Variants in DHRS1 observed in about 807,000 individuals in gnomAD.
The protein encoded by DHRS1 is dehydrogenase/reductase 1.
DHRS1 carries 34 observed loss-of-function variants against 35.2 expected under a neutral mutation model. The observed-to-expected ratio is 0.97, with a 90% CI of 0.74 to 1.29. The LOEUF is 1.29. Ranked by LOEUF, DHRS1 falls within the 50% of genes most tolerant of loss-of-function variation. The pLI is 0.00. For missense variants in DHRS1, 354 were observed against 403.6 expected (o/e 0.88, Z 1.05); for synonymous variants, 133 against 160.0 (o/e 0.83, Z 1.27).
At position 24,299,564 on chromosome 14, in the gene DHRS1, G is replaced by A. The variant is rs886588070; in HGVS notation, c.-25+17C>T. 1 of 234,768 alleles carries A rather than the reference G, an allele frequency of 4.3e-6. No individual in the cohort carries two copies. The highest frequency in any genetic ancestry group is 9.0e-5 in the East Asian group (1 of 11,094). 14.5% of individuals were successfully genotyped at this position (234,768 alleles called of 1,614,324 possible). ...GGAGATCCTAAGCCCTAAGTGGGAC[G>A]AGCGTGCGCCGCTTACCTGCCACCT... On this transcript the variant is annotated intron_variant, in intron 1 of 8. Coordinates refer to ENST00000288111, the MANE Select transcript of DHRS1 (RefSeq NM_001136050.3).
rs2041330628 is a variant in DHRS1 at position 24,299,749 on chromosome 14, G to GTT, written c.-195_-194dup. ...TAGAGGGGCAGAGTCCCAGGCCAAA[G>GTT]TTAGAACCTGCGGATGGGGGCGGAG... is the stretch of plus-strand genomic sequence containing the variant. On this transcript the variant is annotated 5_prime_UTR_variant, in exon 1 of 9. Coordinates refer to ENST00000288111, the MANE Select transcript of DHRS1 (RefSeq NM_001136050.3). The GTT allele has an allele frequency of 1.7e-6, 1 of 594,448 alleles. No homozygotes were observed. Among genetic ancestry groups the GTT allele is most frequent in the African/African-American group, 1.9e-5 (1 of 53,158 alleles). 36.8% of individuals were successfully genotyped at this position (594,448 alleles called of 1,614,324 possible). A position where few individuals can be genotyped will look rare whatever the true frequency, so the allele number is the denominator to read the frequency against.
chr14:24,290,654 AAAAG>A lies in DHRS1; in HGVS notation c.*201_*204del. On this transcript the variant is annotated 3_prime_UTR_variant, in exon 9 of 9. Transcript: ENST00000288111. ...AAGAGCATTTTTCAATACTAAGGCAAAAAGTAAAAAGAAGGACAAGGAAAACCAA... is the reference window on the plus strand; with the variant it reads ...AAGAGCATTTTTCAATACTAAGGCAATAAAAAGAAGGACAAGGAAAACCAA... 1 of 565,066 alleles carries A rather than the reference AAAAG, an allele frequency of 1.8e-6. No homozygotes were observed. The highest frequency in any genetic ancestry group is 2.5e-5 in the South Asian group (1 of 40,788). 35.0% of individuals were successfully genotyped at this position (565,066 alleles called of 1,614,324 possible).
rs556717191 is a variant in DHRS1 at position 24,296,406 on chromosome 14, G to A, written c.374+103C>T. 2.2e-4 allele frequency: 240 copies of A among 1,113,552 alleles called. 1 individual carries two copies. The African/African-American group carries it at 3.5e-3, about 16-fold the overall frequency. 69.0% of individuals were successfully genotyped at this position (1,113,552 alleles called of 1,614,324 possible). A position where few individuals can be genotyped will look rare whatever the true frequency, so the allele number is the denominator to read the frequency against. Reference sequence around the variant, plus strand: ...GGAATGGAAGGGAGAAGAAAGAGATGGGGGAGGCCGGAGGGAAAAGGAGAG... The same window carrying A: ...GGAATGGAAGGGAGAAGAAAGAGATAGGGGAGGCCGGAGGGAAAAGGAGAG... On this transcript the variant is annotated intron_variant, in intron 4 of 8. Transcript: ENST00000288111.
rs186113645 is a variant in DHRS1, at chr14:24,297,035, T to G, written c.151-154A>C. ...CATGGCAGGCAACGCTGCCCTCTGG[T>G]GTCTGTTTGAGTAGTTTCAGGAATG... On this transcript the variant is annotated intron_variant, in intron 2 of 8. Transcript: ENST00000288111. Among the ~76,000 whole-genome samples the G allele has an allele frequency of 1.1e-4, 16 of 152,296 alleles. No homozygotes were observed. The East Asian group carries it at 2.7e-3, about 26-fold the overall frequency.
At chr14:24,292,598 T>C (rs1434970409) in intron 5 of DHRS1, 54 bp downstream of exon 5, 2 of 1,613,636 alleles carry the variant, frequency 1.2e-6, no homozygotes, top group South Asian at 1.1e-5. Flanking sequence ...TCCTGAGCTA[T>C]AGGTAACATC....
At chr14:24,291,117 A>G (rs2139084906) in intron 8 of DHRS1, 22 bp downstream of exon 8, 1 of 1,614,008 alleles carries the variant, frequency 6.2e-7, no homozygotes, top group Non-Finnish European at 8.5e-7. Flanking sequence ...GTCAAGGCTG[A>G]CTGCTGTGCC....
chr14:24,298,179 G>A (rs964014640), intron 2 of DHRS1, among the ~76,000 whole-genome samples: 3 of 152,088 alleles, frequency 2.0e-5, no homozygotes, highest in African/African-American at 7.2e-5. Flanking sequence ...CCAAGTAGAT[G>A]GTACTACAGG....
rs1301869886 is a variant in DHRS1 at position 24,298,988 on chromosome 14, TGGC to T, written c.116_118del (p.Arg39del). The T allele has an allele frequency of 6.2e-7, 1 of 1,613,074 alleles. No individual in the cohort carries two copies. Among genetic ancestry groups the T allele is most frequent in the Non-Finnish European group, 8.5e-7 (1 of 1,179,232 alleles). ...AGCAACAACGCGAAGGGTGTCCAGA[TGGC>T]GGCCAGTGATGTAAACTGTGGCGCC... On this transcript the variant is annotated inframe_deletion, in exon 2 of 9. Transcript: ENST00000288111.
chr14:24,291,589 A>AC lies in DHRS1; in HGVS notation c.690_691insG (p.Leu231ValfsTer21). On this transcript the variant is annotated frameshift_variant, in exon 7 of 9. Transcript: ENST00000288111. LOFTEE classifies it high-confidence loss of function. ...AAAGCCACCACACATTTGCCACTCA[A>AC]TTCTGTGGTTTCCGCAGATGAGAAG... 4 of 1,614,200 alleles carry AC rather than the reference A, an allele frequency of 2.5e-6. No homozygotes were observed. The highest frequency in any genetic ancestry group is 3.4e-6 in the Non-Finnish European group (4 of 1,180,042).
At chr14:24,295,723 C>T (rs2041238464) in intron 4 of DHRS1, among the ~76,000 whole-genome samples, 2 of 152,218 alleles carry the variant, frequency 1.3e-5, no homozygotes, top group African/African-American at 2.4e-5. Context: ...CACCATCCTC[C>T]TCTGTCCTAA....
In DHRS1 at chr14:24,292,456, GC is replaced by G. The variant is rs927681939; in HGVS notation, c.508-127del. The stretch of plus-strand genomic sequence containing the variant: ...TCCCAGGAGCCCCAAGGTCTCAGCT[GC>G]CCACGCTCCCCAGTGTGATGCCTAC... On this transcript the variant is annotated intron_variant, in intron 5 of 8. Coordinates refer to ENST00000288111, the MANE Select transcript of DHRS1 (RefSeq NM_001136050.3). The G allele has an allele frequency of 9.5e-5, 141 of 1,480,172 alleles. No homozygotes were observed. In the Admixed American group the frequency reaches 2.6e-3, roughly 28 times the overall value. 91.7% of individuals were successfully genotyped at this position (1,480,172 alleles called of 1,614,324 possible).
In DHRS1 at chr14:24,291,640, C is replaced by A. The variant is rs765136895; in HGVS notation, c.655-15G>T. 8 of 1,613,488 alleles carry A rather than the reference C, an allele frequency of 5.0e-6. No homozygotes were observed. The highest frequency in any genetic ancestry group is 5.9e-6 in the Non-Finnish European group (7 of 1,179,400). Reference sequence around the variant, plus strand: ...GCTGATTTGAACTGAAACACAGGGGCAGAGAAGTGAAGGGTTAATTTCCAA... The same window carrying A: ...GCTGATTTGAACTGAAACACAGGGGAAGAGAAGTGAAGGGTTAATTTCCAA... On this transcript the variant is annotated splice_polypyrimidine_tract_variant and intron_variant, in intron 6 of 8. Transcript: ENST00000288111.
rs964529975 is a variant in DHRS1, at chr14:24,296,969, G to C, written c.151-88C>G. On this transcript the variant is annotated intron_variant, in intron 2 of 8. Transcript: ENST00000288111. ...CCCAACCAAAGTGGGCTTGAGAACT[G>C]AGAAGACAATCAATCCTAGGAGAGC... is the stretch of plus-strand genomic sequence containing the variant. 49 of 1,572,106 alleles carry C rather than the reference G, an allele frequency of 3.1e-5. No homozygotes were observed. In the African/African-American group the frequency reaches 5.1e-4, roughly 16 times the overall value.
chr14:24,295,647 G>A (rs954406952), intron 4 of DHRS1, among the ~76,000 whole-genome samples: 1 of 152,204 alleles, frequency 6.6e-6, no homozygotes, highest in African/African-American at 2.4e-5. Flanking sequence ...CCTCTCTTTG[G>A]AGGCTATGGT....
rs201101817 is a variant in DHRS1 at position 24,291,166 on chromosome 14, G to A, written c.778C>T (p.Arg260Ter). ...TCCACATCCCGAAGGCCATAGCGTC[G>A]AGCAAGGTCACAGGATGGCAGCACC... ...GKVLPSCDLA[R>*]RYGLRDVDGR... is the part of the protein sequence containing the mutation. Residue 260 changes from arginine (R) to a stop codon, truncating the protein, a stop_gained, in exon 8 of 9, where the codon CGA (arginine) becomes TGA (stop). Transcript: ENST00000288111. LOFTEE classifies it high-confidence loss of function. The A allele has an allele frequency of 3.7e-6, 6 of 1,614,108 alleles. No individual in the cohort carries two copies. The highest frequency in any genetic ancestry group is 1.1e-5 in the South Asian group (1 of 91,070).
chr14:24,292,388 GC>G, intron 5 of DHRS1, 58 bp from the exon 6 acceptor site: 1 of 1,603,042 alleles, frequency 6.2e-7, no homozygotes, highest in Non-Finnish European at 8.5e-7. Context: ...TTCCTGCCCT[GC>G]CCTCTCTGCT....
chr14:24,291,780 T>A lies in DHRS1; in HGVS notation c.655-155A>T, dbSNP rs972188517. On this transcript the variant is annotated intron_variant, in intron 6 of 8. Coordinates refer to ENST00000288111, the MANE Select transcript of DHRS1 (RefSeq NM_001136050.3). ...CTGTAGGACCCAAAGTATTGGCAGG[T>A]GCCAGAGCCACTCCTCCCCACATCC... The A allele has an allele frequency of 8.7e-5, 64 of 738,238 alleles. No homozygotes were observed. In the East Asian group the frequency reaches 1.7e-3, roughly 19 times the overall value. 45.7% of individuals were successfully genotyped at this position (738,238 alleles called of 1,614,324 possible). A position where few individuals can be genotyped will look rare whatever the true frequency, so the allele number is the denominator to read the frequency against.
At chr14:24,298,729 G>A (rs760448097) in intron 2 of DHRS1, 6 of 497,168 alleles carry the variant, frequency 1.2e-5, no homozygotes, top group Non-Finnish European at 2.1e-5. Context: ...GCAGGAACGT[G>A]CCACCATGCC....
chr14:24,292,522 A>G (rs554216180), intron 5 of DHRS1, 130 bp downstream of exon 5: 6 of 1,546,282 alleles, frequency 3.9e-6, no homozygotes, highest in African/African-American at 1.4e-5. Flanking sequence ...GGAACTGTCC[A>G]TGGATGAGGC....
Sources: gnomAD v4.1 joint callset for allele counts (sites outside exome capture counted in the v4.1 genomes callset) on GRCh38, gnomAD v4.1.1 for gene constraint, MANE v1.5 for transcripts, NCBI Gene and HGNC (gene_info 2026-07-23, HGNC 2026-07-21) for gene names.